ANKRD26: variants seen among roughly 807,000 people sequenced by gnomAD.
ANKRD26 encodes ankyrin repeat domain 26.
A neutral mutation model predicts 208.7 loss-of-function variants in ANKRD26; 141 were observed. The ratio of observed to expected loss-of-function variants is 0.68; its 90% CI spans 0.59 to 0.78. The LOEUF (loss-of-function observed/expected upper bound fraction) is 0.78. Among genes scored for constraint, ANKRD26 ranks in the 30% least tolerant of loss-of-function variants. The pLI is 0.00. For synonymous variants in ANKRD26, 636 were observed against 660.4 expected (o/e 0.96, Z 0.57); for missense variants, 1,889 against 1,938.7 (o/e 0.97, Z 0.48).
intron 9 of ANKRD26, among the ~76,000 whole-genome samples, chr10:27,072,867 T>C (rs1024699663): frequency 1.4e-5 from 2 of 146,886 alleles, no homozygotes; most frequent in African/African-American, 2.8e-5. Flanking sequence ...ATGCAGGAAA[T>C]CTCACAGAGT....
chr10:26,958,448 T>C, the ANKRD26 span, among the ~76,000 whole-genome samples: 2 of 152,102 alleles, frequency 1.3e-5, no homozygotes, highest in Admixed American at 1.3e-4. Flanking sequence ...CTCCCTCCCC[T>C]TAACCCCCTA....
rs765675278 is a variant in ANKRD26 at position 27,086,617 on chromosome 10, T to A, written c.639-8A>T. The A allele has an allele frequency of 1.3e-6, 2 of 1,598,402 alleles. No individual in the cohort carries two copies. The highest frequency in any genetic ancestry group is 4.5e-5 in the East Asian group (2 of 44,466). On this transcript the variant is annotated splice_region_variant and splice_polypyrimidine_tract_variant and intron_variant, in intron 4 of 33. Transcript: ENST00000376087. ...GAAATTAGTTGGTGACTGCTATGTA[T>A]AGAAAAATGTAACAAAATTATGTTA...
chr10:27,037,830 TAA>T, intron 22 of ANKRD26, 39 bp downstream of exon 22: 1 of 1,457,902 alleles, frequency 6.9e-7, no homozygotes, highest in South Asian at 1.2e-5. Context: ...AGTGATGAAA[TAA>T]AGTTAAAAAT....
chr10:26,974,610 G>A (rs542582352), exon 6 of ANKRD26, among the ~76,000 whole-genome samples: 4 of 152,172 alleles, frequency 2.6e-5, no homozygotes, highest in South Asian at 4.2e-4. Context: ...AAAGTGCTGC[G>A]ATTACAGGCG....
At chr10:27,024,707 A>T (rs2053602912) in intron 27 of ANKRD26, 148 bp from the exon 28 acceptor site, 1 of 453,688 alleles carries the variant, frequency 2.2e-6, no homozygotes, top group Non-Finnish European at 3.9e-6. Flanking sequence ...AACGGATTTG[A>T]AAAAATGACT....
intron 23 of ANKRD26, among the ~76,000 whole-genome samples, chr10:27,036,345 G>C (rs1434429933): frequency 6.7e-6 from 1 of 149,470 alleles, no homozygotes; most frequent in African/African-American, 2.5e-5. Context: ...AAAAGGAAAA[G>C]TTAAAAAAAA....
intron 17 of ANKRD26, 63 bp downstream of exon 17, chr10:27,048,738 T>C: frequency 6.6e-7 from 1 of 1,509,216 alleles, no homozygotes; most frequent in Non-Finnish European, 9.2e-7. Context: ...TGAATATTAG[T>C]CCAAATTAGA....
chr10:26,967,518 C>T, the ANKRD26 span, among the ~76,000 whole-genome samples: 1 of 127,148 alleles, frequency 7.9e-6, no homozygotes, highest in African/African-American at 2.7e-5. Context: ...CCATCTAGTT[C>T]TGATGACACT....
chr10:27,017,876 A>G, intron 29 of ANKRD26, 84 bp from the exon 30 acceptor site: 1 of 1,333,372 alleles, frequency 7.5e-7, no homozygotes, highest in Non-Finnish European at 1.0e-6. Context: ...AAATTTTGAA[A>G]TAAATTCAGT....
At chr10:26,968,737 T>C in the ANKRD26 span, among the ~76,000 whole-genome samples, 1 of 152,196 alleles carries the variant, frequency 6.6e-6, no homozygotes, top group Non-Finnish European at 1.5e-5. Context: ...CAGCCTTAAA[T>C]TGAGAAGCTT....
intron 11 of ANKRD26, among the ~76,000 whole-genome samples, chr10:27,065,053 C>A (rs2055191764): frequency 6.6e-6 from 1 of 152,052 alleles, no homozygotes; most frequent in African/African-American, 2.4e-5. Context: ...GCCCAGAATG[C>A]CCTCCTTCTA....
intron 16 of ANKRD26, among the ~76,000 whole-genome samples, chr10:27,050,219 CAA>C (rs67384671): frequency 6.4e-4 from 21 of 33,034 alleles, no homozygotes; most frequent in South Asian, 4.7e-3. Context: ...GAATCTGTCT[CAA>C]AAAAAAAAAA....
intron 25 of ANKRD26, among the ~76,000 whole-genome samples, chr10:27,031,912 C>A (rs998874093): frequency 6.6e-6 from 1 of 152,052 alleles, no homozygotes. Flanking sequence ...AAGTTAATGG[C>A]CTTTCTGTAC....
Position 27,100,482 on chromosome 10 carries a change from T to C in ANKRD26, c.-156A>G, listed in dbSNP as rs2056616606. On this transcript the variant is annotated 5_prime_UTR_variant, in exon 1 of 34. Coordinates refer to ENST00000376087, the MANE Select transcript of ANKRD26 (RefSeq NM_014915.3). The stretch of plus-strand genomic sequence containing the variant: ...TCCCTCCGGGTTACCAAGCAAGCGA[T>C]CCCGCTAGACACAAGTGCGCATGCG... The C allele has an allele frequency of 1.7e-6, 2 of 1,165,806 alleles. No homozygotes were observed. Among genetic ancestry groups the C allele is most frequent in the South Asian group, 1.6e-5 (1 of 64,096 alleles). The allele number at this position is 1,165,806 out of a possible 1,614,324, so 72.2% of individuals were successfully genotyped here. A position where few individuals can be genotyped will look rare whatever the true frequency, so the allele number is the denominator to read the frequency against.
intron 9 of ANKRD26, among the ~76,000 whole-genome samples, chr10:27,073,999 G>A (rs151193651): frequency 6.6e-6 from 1 of 151,788 alleles, no homozygotes; most frequent in East Asian, 1.9e-4. Context: ...CATCCTCAAG[G>A]GGGGAAAAAT....
downstream of ANKRD26, among the ~76,000 whole-genome samples, chr10:26,971,364 C>T (rs2052139543): frequency 6.6e-6 from 1 of 151,906 alleles, no homozygotes; most frequent in Non-Finnish European, 1.5e-5. Context: ...GCCTTGGCAA[C>T]AAAGTGAAAC....
Position 27,100,352 on chromosome 10 carries a change from C to T in ANKRD26, c.-26G>A. On this transcript the variant is annotated 5_prime_UTR_variant, in exon 1 of 34. Transcript: ENST00000376087. Reference sequence around the variant, plus strand: ...GGCCCAGGCGACCGGGCTTCAGAGACACCTCATGTCTCTCTCGGCTCTTAA... The same window carrying T: ...GGCCCAGGCGACCGGGCTTCAGAGATACCTCATGTCTCTCTCGGCTCTTAA... The T allele has an allele frequency of 6.2e-7, 1 of 1,603,946 alleles. No individual in the cohort carries two copies.
At chr10:26,969,718 A>AT (rs903210988), downstream of ANKRD26, among the ~76,000 whole-genome samples, 3 of 150,884 alleles carry the variant, frequency 2.0e-5, no homozygotes, top group East Asian at 3.9e-4. Flanking sequence ...GTATTTATGC[A>AT]TTTTTTTTCT....
At chr10:27,085,085 G>A (rs965064290) in intron 5 of ANKRD26, among the ~76,000 whole-genome samples, 2 of 151,432 alleles carry the variant, frequency 1.3e-5, no homozygotes, top group Non-Finnish European at 2.9e-5. Flanking sequence ...GCAGACAGAA[G>A]AACACACTTG....
Sources: allele counts gnomAD v4.1 joint callset (sites outside exome capture counted in the v4.1 genomes callset), GRCh38; gene constraint gnomAD v4.1.1; transcripts MANE v1.5; gene names NCBI Gene and HGNC (gene_info 2026-07-23, HGNC 2026-07-21).